Variants in ADGRA1 observed in about 807,000 individuals in gnomAD.
The protein encoded by ADGRA1 is adhesion G protein-coupled receptor A1.
A neutral mutation model predicts 21.3 loss-of-function variants in ADGRA1; 12 were observed. The observed-to-expected ratio is 0.56, with a 90% CI of 0.36 to 0.91. The LOEUF (loss-of-function observed/expected upper bound fraction) is 0.91. ADGRA1 is among the 40% of genes least tolerant of loss of function. The pLI is 0.01. For missense variants in ADGRA1, 790 were observed against 805.6 expected (o/e 0.98, Z 0.23); for synonymous variants, 385 against 368.8 (o/e 1.04, Z -0.50).
chr10:133,097,489 G>T (rs1851707924), intron 3 of ADGRA1, among the ~76,000 whole-genome samples: 1 of 152,222 alleles, frequency 6.6e-6, no homozygotes, highest in East Asian at 1.9e-4. Flanking sequence ...GAACATGAGG[G>T]TGTCCAGCCG....
intron 2 of ADGRA1, among the ~76,000 whole-genome samples, chr10:133,094,114 A>G (rs1851648182): frequency 6.6e-6 from 1 of 152,256 alleles, no homozygotes; most frequent in Non-Finnish European, 1.5e-5. Flanking sequence ...TTGCCGCCTC[A>G]GTCCGTGTGA....
chr10:133,120,130 G>A (rs901905796), intron 5 of ADGRA1, among the ~76,000 whole-genome samples: 5 of 152,234 alleles, frequency 3.3e-5, no homozygotes, highest in Non-Finnish European at 4.4e-5. Flanking sequence ...TAGGCCAAGC[G>A]CGGTGGCTCA....
intron 3 of ADGRA1, among the ~76,000 whole-genome samples, chr10:133,098,252 T>A (rs536332251): frequency 6.6e-6 from 1 of 152,288 alleles, no homozygotes; most frequent in African/African-American, 2.4e-5. Context: ...CTCTTCCTGA[T>A]GTGCCAGACA....
intron 5 of ADGRA1, among the ~76,000 whole-genome samples, chr10:133,125,635 T>C (rs1282409509): frequency 1.3e-5 from 2 of 152,074 alleles, no homozygotes; most frequent in East Asian, 1.9e-4. Context: ...TTCACTGTGT[T>C]AGCCAGGATG....
Position 133,128,506 on chromosome 10 carries a change from C to T in ADGRA1, c.678C>T (p.Gly226=), listed in dbSNP as rs1288778832. Residue 226 remains glycine, a synonymous_variant, in exon 7 of 7, where the codon GGC becomes GGT. Coordinates refer to ENST00000392607, the MANE Select transcript of ADGRA1 (RefSeq NM_001083909.3). ...EEQRRLATPE[G]GRGIRPGTPP... ...AGCGGCGGCTGGCGACACCCGAGGG[C>T]GGCCGTGGGATCCGGCCAGGCACCC... 1.1e-5 allele frequency: 17 copies of T among 1,549,326 alleles called. No individual in the cohort carries two copies. Among genetic ancestry groups the T allele is most frequent in the East Asian group, 2.4e-5 (1 of 40,884 alleles).
intron 5 of ADGRA1, among the ~76,000 whole-genome samples, chr10:133,111,143 CT>C (rs1399617751): frequency 8.0e-5 from 12 of 150,584 alleles, no homozygotes; most frequent in East Asian, 7.9e-4. Flanking sequence ...GGGGTGCCTC[CT>C]CTCCTAATCC....
chr10:133,090,665 G>A (rs1042850119), intron 2 of ADGRA1, among the ~76,000 whole-genome samples: 1 of 152,138 alleles, frequency 6.6e-6, no homozygotes, highest in Non-Finnish European at 1.5e-5. Flanking sequence ...CCTGGAGGCC[G>A]TGGCCAGGGC....
At chr10:133,091,691 C>T (rs1365809920) in intron 2 of ADGRA1, among the ~76,000 whole-genome samples, 1 of 152,196 alleles carries the variant, frequency 6.6e-6, no homozygotes, top group African/African-American at 2.4e-5. Context: ...TTCTCAATGC[C>T]GGGATTGAGT....
intron 5 of ADGRA1, among the ~76,000 whole-genome samples, chr10:133,110,856 A>G (rs74162001): frequency 0.19 from 28,724 of 152,002 alleles, 3,367 homozygotes; most frequent in East Asian, 0.57. Flanking sequence ...TTCCTGCCCA[A>G]TCCCTTTGCC....
rs185597999 is a variant in ADGRA1, at chr10:133,108,973, C to G, written c.401+6131C>G. Among the ~76,000 whole-genome samples, 146 of 149,732 alleles carry G rather than the reference C, an allele frequency of 9.8e-4. 2 individuals carry two copies. The South Asian group carries it at 0.011, about 11-fold the overall frequency. On this transcript the variant is annotated intron_variant, in intron 5 of 6. Transcript: ENST00000392607. Reference sequence around the variant, plus strand: ...CCCGTCCCCTCATGTCCTCCACGGTCCCAGCTCCACTTAGCCCCAGCTCCA... The same window carrying G: ...CCCGTCCCCTCATGTCCTCCACGGTGCCAGCTCCACTTAGCCCCAGCTCCA...
At chr10:133,088,167 G>C (rs1196629930) in intron 1 of ADGRA1, 29 bp downstream of exon 1, 2 of 946,324 alleles carry the variant, frequency 2.1e-6, no homozygotes, top group East Asian at 2.3e-4. Context: ...TCTGGGCGGC[G>C]GGAGGGACGC....
In ADGRA1 at chr10:133,128,976, G is replaced by A; in HGVS notation, c.1148G>A (p.Cys383Tyr). The A allele has an allele frequency of 6.4e-7, 1 of 1,561,420 alleles. No homozygotes were observed. The highest frequency in any genetic ancestry group is 8.7e-7 in the Non-Finnish European group (1 of 1,154,432). Reference protein sequence around the residue: ...HASCLSPATPCCAKMHCEPLT... With the variant: ...HASCLSPATPYCAKMHCEPLT... ...AGTTGCCTGTCACCGGCCACCCCGT[G>A]CTGCGCCAAGATGCACTGCGAGCCA... The change falls in exon 7 of 7, where the codon TGC becomes TAC. Residue 383 changes from cysteine (C) to tyrosine (Y), a missense_variant. This residue lies in a region of ADGRA1 where 391 missense variants were observed against 351.5 expected (regional missense o/e 1.11). Coordinates refer to ENST00000392607, the MANE Select transcript of ADGRA1 (RefSeq NM_001083909.3).
chr10:133,106,217 G>A (rs1200379756), intron 5 of ADGRA1, among the ~76,000 whole-genome samples: 1 of 152,216 alleles, frequency 6.6e-6, no homozygotes, highest in Non-Finnish European at 1.5e-5. Context: ...TGAGGGGGGC[G>A]CTTTGGATCT....
At chr10:133,092,831 G>GGAAGGAA (rs1851622636) in intron 2 of ADGRA1, among the ~76,000 whole-genome samples, 1 of 30,508 alleles carries the variant, frequency 3.3e-5, no homozygotes, top group Non-Finnish European at 5.3e-5. Flanking sequence ...AAGGAAGAGA[G>GGAAGGAA]GGAGGGAGGG....
chr10:133,116,066 G>C (rs1373380708), intron 5 of ADGRA1, among the ~76,000 whole-genome samples: 1 of 142,360 alleles, frequency 7.0e-6, no homozygotes. Context: ...ATCGGCTTCA[G>C]GCCAAGCCCA....
In ADGRA1 at chr10:133,097,083, C is replaced by T; in HGVS notation, c.113C>T (p.Thr38Ile). Residue 38 changes from threonine (T) to isoleucine (I), a missense_variant, in exon 3 of 7, where the codon ACC (threonine) becomes ATC (isoleucine). Thr to Ile is a moderately conservative substitution (Grantham distance 89). Around this residue, in one of 3 missense-constraint regions of ADGRA1, gnomAD observed 382 missense variants for 415.6 expected, o/e 0.92. Coordinates refer to ENST00000392607, the MANE Select transcript of ADGRA1 (RefSeq NM_001083909.3). ...MLLCLLASFV[T>I]YIVHQSAIRI... Reference sequence around the variant, plus strand: ...CTCTGCCTCCTGGCCTCCTTCGTCACCTACATCGTGCACCAGAGGTGAGCC... The same window carrying T: ...CTCTGCCTCCTGGCCTCCTTCGTCATCTACATCGTGCACCAGAGGTGAGCC... 1 of 1,606,802 alleles carries T rather than the reference C, an allele frequency of 6.2e-7. No individual in the cohort carries two copies. The highest frequency in any genetic ancestry group is 8.5e-7 in the Non-Finnish European group (1 of 1,179,984).
chr10:133,094,442 T>A (rs1039136898), intron 2 of ADGRA1, among the ~76,000 whole-genome samples: 1 of 152,142 alleles, frequency 6.6e-6, no homozygotes, highest in African/African-American at 2.4e-5. Flanking sequence ...CCGCCCACAG[T>A]GGCACCGCCC....
At chr10:133,117,072 G>C (rs1444759227) in intron 5 of ADGRA1, among the ~76,000 whole-genome samples, 1 of 152,144 alleles carries the variant, frequency 6.6e-6, no homozygotes, top group African/African-American at 2.4e-5. Flanking sequence ...TGCTCTCATG[G>C]AGGCACAGGC....
At chr10:133,089,595 G>A (rs1851564227) in intron 2 of ADGRA1, among the ~76,000 whole-genome samples, 1 of 152,244 alleles carries the variant, frequency 6.6e-6, no homozygotes, top group Non-Finnish European at 1.5e-5. Flanking sequence ...GTAAGGGACA[G>A]CTGACAGGCG....
Sources: allele counts gnomAD v4.1 joint callset (sites outside exome capture counted in the v4.1 genomes callset), GRCh38; gene constraint gnomAD v4.1.1; regional missense constraint gnomAD v4.1.1; transcripts MANE v1.5; gene names NCBI Gene and HGNC (gene_info 2026-07-23, HGNC 2026-07-21).